Variants in ZNF385D observed in about 807,000 individuals in gnomAD.
ZNF385D encodes zinc finger protein 385D.
In ZNF385D, 15 loss-of-function variants were observed where a neutral mutation model predicts 35.8. That is an observed-to-expected ratio of 0.42 (90% CI 0.28 to 0.64). The LOEUF (loss-of-function observed/expected upper bound fraction) is 0.64. Ranked by LOEUF, ZNF385D falls within the 30% of genes least tolerant of loss-of-function variation. The pLI is 0.23. For synonymous variants in ZNF385D, 212 were observed against 186.8 expected, an observed-to-expected ratio of 1.13 and a Z score of -1.10; for missense variants, 474 against 494.6, an observed-to-expected ratio of 0.96 and a Z score of 0.39.
intron 2 of ZNF385D, among the ~76,000 whole-genome samples, chr3:22,211,523 T>C (rs932627134): frequency 6.6e-6 from 1 of 151,972 alleles, no homozygotes. Flanking sequence ...GAGACTAGGC[T>C]CGGATTTCAT....
At chr3:21,550,042 C>T (rs1575155404) in intron 3 of ZNF385D, among the ~76,000 whole-genome samples, 1 of 152,086 alleles carries the variant, frequency 6.6e-6, no homozygotes, top group African/African-American at 2.4e-5. Flanking sequence ...CACTAGACCA[C>T]GAGGGACCAT....
intron 1 of ZNF385D, among the ~76,000 whole-genome samples, chr3:21,725,150 A>G (rs1359956602): frequency 6.6e-6 from 1 of 152,236 alleles, no homozygotes; most frequent in East Asian, 1.9e-4. Flanking sequence ...CAAAGACACG[A>G]TGTACCAGAA....
chr3:21,856,204 C>T (rs1274482114), intron 3 of ZNF385D, among the ~76,000 whole-genome samples: 1 of 152,014 alleles, frequency 6.6e-6, no homozygotes, highest in Non-Finnish European at 1.5e-5. Context: ...TCTCCTACTT[C>T]CTTGATCACC....
chr3:22,308,143 G>A (rs1703337003), intron 2 of ZNF385D, among the ~76,000 whole-genome samples: 1 of 152,016 alleles, frequency 6.6e-6, no homozygotes, highest in Admixed American at 6.6e-5. Flanking sequence ...ACTTCCAAAA[G>A]AATGTACGTT....
intron 3 of ZNF385D, among the ~76,000 whole-genome samples, chr3:21,833,410 T>C (rs562460933): frequency 3.3e-5 from 5 of 152,260 alleles, no homozygotes; most frequent in Admixed American, 2.0e-4. Flanking sequence ...CACATGTATC[T>C]TGTAAGAGAG....
intron 3 of ZNF385D, among the ~76,000 whole-genome samples, chr3:22,010,419 T>C (rs1008583135): frequency 2.6e-5 from 4 of 152,224 alleles, no homozygotes; most frequent in African/African-American, 4.8e-5. Context: ...GGATGAATTA[T>C]TTACTCCCAA....
Position 21,414,221 on chromosome 3 carries a change from A to G in ZNF385D, c.*6993T>C, listed in dbSNP as rs1461358969. The G allele has an allele frequency of 7.0e-6, 1 of 143,296 alleles. No homozygotes were observed. Among genetic ancestry groups the G allele is most frequent in the African/African-American group, 2.5e-5 (1 of 39,750 alleles). 8.9% of individuals were successfully genotyped at this position (143,296 alleles called of 1,614,324 possible). A position where few individuals can be genotyped will look rare whatever the true frequency, so the allele number is the denominator to read the frequency against. On this transcript the variant is annotated 3_prime_UTR_variant, in exon 8 of 8. Transcript: ENST00000281523. ...AACAAAACAAAACAAAACAAAACAA[A>G]AAAAAGTTCAGTTAGGAGACCTTAG...
At chr3:21,489,743 C>T (rs161200) in intron 4 of ZNF385D, among the ~76,000 whole-genome samples, 34,401 of 151,968 alleles carry the variant, frequency 0.23, 4,362 homozygotes, top group African/African-American at 0.33. Flanking sequence ...CTACAGGTTG[C>T]CCTTGATGGG....
intron 4 of ZNF385D, among the ~76,000 whole-genome samples, chr3:21,489,642 C>A (rs1399443205): frequency 6.6e-6 from 1 of 152,104 alleles, no homozygotes; most frequent in Non-Finnish European, 1.5e-5. Flanking sequence ...GCTTTTGTGA[C>A]ACCTGTCTGG....
intron 2 of ZNF385D, among the ~76,000 whole-genome samples, chr3:22,285,905 C>A (rs1050797486): frequency 1.3e-5 from 2 of 151,984 alleles, no homozygotes; most frequent in South Asian, 2.1e-4. Flanking sequence ...TATGCCAAAC[C>A]GTATTCTGAG....
intron 4 of ZNF385D, among the ~76,000 whole-genome samples, chr3:21,443,718 T>C (rs188241291): frequency 6.2e-4 from 94 of 152,318 alleles, no homozygotes; most frequent in African/African-American, 2.2e-3. Flanking sequence ...TTCCCCATAG[T>C]AGCCTGCATG....
At chr3:22,229,819 C>T (rs1357283413) in intron 2 of ZNF385D, among the ~76,000 whole-genome samples, 2 of 152,114 alleles carry the variant, frequency 1.3e-5, no homozygotes, top group African/African-American at 4.8e-5. Flanking sequence ...TTGGGCAATG[C>T]TGCTTATCCC....
chr3:21,520,453 A>G (rs573523078), intron 3 of ZNF385D, among the ~76,000 whole-genome samples: 65 of 152,330 alleles, frequency 4.3e-4, no homozygotes, highest in African/African-American at 1.3e-3. Flanking sequence ...TGGATTTTGT[A>G]TGTGAACAGG....
At chr3:21,798,012 T>A (rs184522790) in intron 3 of ZNF385D, among the ~76,000 whole-genome samples, 2 of 152,308 alleles carry the variant, frequency 1.3e-5, no homozygotes. Context: ...CCTAGTGCTG[T>A]AGTGTAAACT....
intron 3 of ZNF385D, among the ~76,000 whole-genome samples, chr3:22,030,009 A>T (rs1697834857): frequency 6.6e-6 from 1 of 151,704 alleles, no homozygotes; most frequent in Non-Finnish European, 1.5e-5. Context: ...CCCACCCTTA[A>T]TCTGGTGGGC....
At chr3:21,708,503 T>G (rs901796709) in intron 1 of ZNF385D, among the ~76,000 whole-genome samples, 1 of 152,214 alleles carries the variant, frequency 6.6e-6, no homozygotes, top group East Asian at 1.9e-4. Context: ...AATGTTCCAG[T>G]CTACTTATTG....
chr3:21,556,937 G>A (rs1304558439), intron 3 of ZNF385D, among the ~76,000 whole-genome samples: 1 of 152,086 alleles, frequency 6.6e-6, no homozygotes, highest in Non-Finnish European at 1.5e-5. Flanking sequence ...TGTAGCAATT[G>A]TGAATAGGAG....
intron 3 of ZNF385D, among the ~76,000 whole-genome samples, chr3:22,073,370 C>A (rs189437508): frequency 2.9e-4 from 44 of 149,336 alleles, no homozygotes; most frequent in Non-Finnish European, 5.8e-4. Context: ...TCCTCTGAAG[C>A]AGGGTGGGGT....
rs574181866 is a variant in ZNF385D, at chr3:21,506,657, A to G, written c.439+4204T>C. On this transcript the variant is annotated intron_variant, in intron 4 of 7. Coordinates refer to ENST00000281523, the MANE Select transcript of ZNF385D (RefSeq NM_024697.3). ...TTAAAAACACTTGCTAGATTAGACA[A>G]TTATTCTGGCTATCTTTGGAAATGC... Among the ~76,000 whole-genome samples the G allele has an allele frequency of 7.9e-5, 12 of 152,324 alleles. No individual in the cohort carries two copies. The East Asian group carries it at 2.3e-3, about 29-fold the overall frequency.
Sources: gnomAD v4.1 joint callset for allele counts (sites outside exome capture counted in the v4.1 genomes callset) on GRCh38, gnomAD v4.1.1 for gene constraint, MANE v1.5 for transcripts, NCBI Gene and HGNC (gene_info 2026-07-23, HGNC 2026-07-21) for gene names.